Variants in SLC7A9 observed in about 807,000 individuals in gnomAD.
The protein encoded by SLC7A9 is B(0,+)-type amino acid transporter 1.
SLC7A9 carries 38 observed loss-of-function variants against 54.1 expected under a neutral mutation model. The observed-to-expected ratio is 0.70, with a 90% CI of 0.54 to 0.92. The LOEUF is 0.92. Among genes scored for constraint, SLC7A9 ranks in the 40% least tolerant of loss-of-function variants. The pLI, the probability that SLC7A9 is intolerant of heterozygous loss-of-function variation, is 0.00. For missense variants in SLC7A9, 537 were observed against 636.1 expected, an observed-to-expected ratio of 0.84 and a Z score of 1.68; for synonymous variants, 264 against 258.9, an observed-to-expected ratio of 1.02 and a Z score of -0.19.
intron 6 of SLC7A9, among the ~76,000 whole-genome samples, chr19:32,861,800 G>A (rs1194400462): frequency 6.6e-6 from 1 of 152,162 alleles, no homozygotes; most frequent in Non-Finnish European, 1.5e-5. Context: ...GGGTGACCAA[G>A]TGAGATCCTG....
At chr19:32,845,730 A>G (rs1041349835) in intron 9 of SLC7A9, among the ~76,000 whole-genome samples, 1 of 152,144 alleles carries the variant, frequency 6.6e-6, no homozygotes, top group Admixed American at 6.6e-5. Flanking sequence ...AATTGAGGCC[A>G]GGCACAGTGG....
At chr19:32,846,769 C>CA (rs1005506021) in intron 9 of SLC7A9, among the ~76,000 whole-genome samples, 52 of 152,330 alleles carry the variant, frequency 3.4e-4, no homozygotes, top group African/African-American at 1.2e-3. Context: ...GGCAACCCCC[C>CA]AGTAGGGGCA....
rs746181158 is a variant in SLC7A9 at position 32,859,940 on chromosome 19, G to C, written c.774C>G (p.Ile258Met). ...AGCACGCCGTCACCAGGGGGATCCC[G>C]ATGATAATGGCCAAAGGCAGGTTTC... ...PYRNLPLAII[I>M]GIPLVTACYI... Residue 258 changes from isoleucine to methionine, a missense_variant, in exon 8 of 13, where the codon ATC becomes ATG. Physicochemically the swap from Ile to Met is conservative, Grantham distance 10. Transcript: ENST00000023064. The C allele has an allele frequency of 1.1e-5, 17 of 1,614,054 alleles. No homozygotes were observed. Among genetic ancestry groups the C allele is most frequent in the Non-Finnish European group, 1.4e-5 (17 of 1,180,032 alleles).
intron 9 of SLC7A9, among the ~76,000 whole-genome samples, chr19:32,852,185 A>T (rs879303329): frequency 3.3e-4 from 50 of 150,670 alleles, no homozygotes; most frequent in African/African-American, 7.4e-4. Context: ...TAATAAAATT[A>T]AAAAAAAAGA....
chr19:32,864,514 T>G, intron 3 of SLC7A9, 115 bp downstream of exon 3: 1 of 1,530,824 alleles, frequency 6.5e-7, no homozygotes. Flanking sequence ...TTACACCTGT[T>G]TGCCATACAT....
chr19:32,864,642 G>T lies in SLC7A9; in HGVS notation c.222C>A (p.Val74=). 1 of 1,613,822 alleles carries T rather than the reference G, an allele frequency of 6.2e-7. No homozygotes were observed. Among genetic ancestry groups the T allele is most frequent in the Non-Finnish European group, 8.5e-7 (1 of 1,180,020 alleles). The change falls in exon 3 of 13, where the codon GTC becomes GTA. Residue 74 remains valine (V), a synonymous_variant. Transcript: ENST00000023064. Reference sequence around the variant, plus strand: ...AAGTCTCTTTACCCAGCGTCGCGAGGACCCCGCAAGCCGCCCATATGATGA... The same window carrying T: ...AAGTCTCTTTACCCAGCGTCGCGAGTACCCCGCAAGCCGCCCATATGATGA... ...PCLIIWAACG[V]LATLGALCFA...
At chr19:32,832,839 T>G in intron 12 of SLC7A9, 3 of 315,452 alleles carry the variant, frequency 9.5e-6, no homozygotes, top group Non-Finnish European at 1.8e-5. Context: ...AGCCCGGGAG[T>G]TCAAGACTGC....
At chr19:32,834,448 G>A (rs1425156264) in intron 11 of SLC7A9, among the ~76,000 whole-genome samples, 2 of 152,016 alleles carry the variant, frequency 1.3e-5, no homozygotes, top group Admixed American at 6.6e-5. Flanking sequence ...TGGCCAACAT[G>A]GTGAAACCCC....
At chr19:32,845,379 C>G (rs1490386413) in intron 9 of SLC7A9, among the ~76,000 whole-genome samples, 1 of 151,234 alleles carries the variant, frequency 6.6e-6, no homozygotes, top group Admixed American at 6.6e-5. Context: ...CCTGTAACCT[C>G]AGCTGAGGCT....
rs1599658397 is a variant in SLC7A9, at chr19:32,842,063, C to T, written c.1224+105G>A. The stretch of plus-strand genomic sequence containing the variant: ...CTAAAATACGATATTTTAAAAGAGT[C>T]AAGTCAGATTGGAACTAGAAGGCAT... On this transcript the variant is annotated intron_variant, in intron 11 of 12. Coordinates refer to ENST00000023064, the MANE Select transcript of SLC7A9 (RefSeq NM_014270.5). The T allele has an allele frequency of 2.7e-6, 3 of 1,117,100 alleles. No individual in the cohort carries two copies. In the East Asian group the frequency reaches 7.2e-5, roughly 27 times the overall value. 69.2% of individuals were successfully genotyped at this position (1,117,100 alleles called of 1,614,324 possible). A position where few individuals can be genotyped will look rare whatever the true frequency, so the allele number is the denominator to read the frequency against.
Position 32,833,159 on chromosome 19 carries a change from C to G in SLC7A9, c.1389G>C (p.Gln463His). The change falls in exon 12 of 13, where the codon CAG (glutamine) becomes CAC (histidine). Residue 463 changes from glutamine (Q) to histidine (H), a missense_variant. Gln to His is a conservative substitution (Grantham distance 24, BLOSUM62 0). Coordinates refer to ENST00000023064, the MANE Select transcript of SLC7A9 (RefSeq NM_014270.5). ...TCTGTTGGTACTTACTTGAGATTTT[C>G]TGAGCCCATCCAAACTTGTAGTGGA... ...LFVHYKFGWAQKISKPITMHL... is the reference protein window; with the variant it reads ...LFVHYKFGWAHKISKPITMHL... 6.2e-7 allele frequency: 1 copy of G among 1,614,132 alleles called. No homozygotes were observed. The highest frequency in any genetic ancestry group is 8.5e-7 in the Non-Finnish European group (1 of 1,180,008).
chr19:32,836,847 G>A (rs1050116720), intron 11 of SLC7A9, among the ~76,000 whole-genome samples: 6 of 152,186 alleles, frequency 3.9e-5, no homozygotes, highest in African/African-American at 1.4e-4. Flanking sequence ...AGCATGGCCT[G>A]TCTTTGTCTT....
chr19:32,856,416 G>A (rs551958663), intron 9 of SLC7A9, among the ~76,000 whole-genome samples: 21 of 152,190 alleles, frequency 1.4e-4, no homozygotes, highest in African/African-American at 2.2e-4. Context: ...AGATGGTCTC[G>A]ATCTCCTGAC....
rs144880180 is a variant in SLC7A9, at chr19:32,864,205, C to T, written c.369G>A (p.Thr123=). 114 of 1,614,184 alleles carry T rather than the reference C, an allele frequency of 7.1e-5. No homozygotes were observed. The East Asian group carries it at 7.8e-4, about 11-fold the overall frequency. ...AGCTGAGGCAGATGATGGCGAAGGA[C>T]GTGGGCTTAATGACGATCAGGCTGG... is the stretch of plus-strand genomic sequence containing the variant. ...SWASLIVIKP[T]SFAIICLSFS... The change falls in exon 4 of 13, where the codon ACG becomes ACA. Residue 123 remains threonine, a synonymous_variant. Coordinates refer to ENST00000023064, the MANE Select transcript of SLC7A9 (RefSeq NM_014270.5).
intron 11 of SLC7A9, among the ~76,000 whole-genome samples, chr19:32,841,319 C>A (rs1172596431): frequency 6.6e-6 from 1 of 151,868 alleles, no homozygotes; most frequent in African/African-American, 2.4e-5. Context: ...TATATAGATC[C>A]ACACCAGCCA....
intron 11 of SLC7A9, among the ~76,000 whole-genome samples, chr19:32,837,955 A>C (rs1483558977): frequency 6.6e-6 from 1 of 152,238 alleles, no homozygotes; most frequent in African/African-American, 2.4e-5. Flanking sequence ...ATGACAAAAA[A>C]TCCTAATAAG....
rs988596589 is a variant in SLC7A9 at position 32,862,774 on chromosome 19, C to A, written c.479-188G>T. On this transcript the variant is annotated intron_variant, in intron 4 of 12. Transcript: ENST00000023064. ...GCAATCTTTGCCTCCCCGGTTCAAGCAATTCTCCTGCCTCAGCCTCCTGAG... is the reference window on the plus strand; with the variant it reads ...GCAATCTTTGCCTCCCCGGTTCAAGAAATTCTCCTGCCTCAGCCTCCTGAG... 2.1e-5 allele frequency: 9 copies of A among 431,844 alleles called. No homozygotes were observed. The East Asian group carries it at 4.3e-4, about 21-fold the overall frequency. The allele number at this position is 431,844 out of a possible 1,614,324, so 26.8% of individuals were successfully genotyped here. A position where few individuals can be genotyped will look rare whatever the true frequency, so the allele number is the denominator to read the frequency against.
rs373392618 is a variant in SLC7A9, at chr19:32,858,768, C to CTATATTTATTTATTTATTTA, written c.874-226_874-225insTAAATAAATAAATAAATATA. 7.7e-4 allele frequency among the ~76,000 whole-genome samples: 115 copies of CTATATTTATTTATTTATTTA among 148,634 alleles called. 2 individuals carry two copies. Among genetic ancestry groups the CTATATTTATTTATTTATTTA allele is most frequent in the East Asian group, 6.8e-3 (33 of 4,834 alleles). ...TTATCTACTACTCCCTGGCATAAAT[C>CTATATTTATTTATTTATTTA]TTTATTTATTTATTTATTTATTTAT... On this transcript the variant is annotated intron_variant, in intron 8 of 12. Coordinates refer to ENST00000023064, the MANE Select transcript of SLC7A9 (RefSeq NM_014270.5).
Position 32,858,545 on chromosome 19 carries a change from T to C in SLC7A9, c.874-2A>G. On this transcript the variant is annotated splice_acceptor_variant, in intron 8 of 12. Coordinates refer to ENST00000023064, the MANE Select transcript of SLC7A9 (RefSeq NM_014270.5). LOFTEE classifies it high-confidence loss of function. ...ATAGAGAACACGGTCACCAAATGTC[T>C]GGTGAGAGAAGCGAGATGAGTCCTG... 1 of 1,609,314 alleles carries C rather than the reference T, an allele frequency of 6.2e-7. No individual in the cohort carries two copies. The highest frequency in any genetic ancestry group is 2.2e-5 in the East Asian group (1 of 44,788).
Sources: gnomAD v4.1 joint callset for allele counts (sites outside exome capture counted in the v4.1 genomes callset) on GRCh38, gnomAD v4.1.1 for gene constraint, MANE v1.5 for transcripts, NCBI Gene and HGNC (gene_info 2026-07-23, HGNC 2026-07-21) for gene names.